The following POTEE variants were observed in gnomAD, a reference collection of about 807,000 sequenced individuals.
POTEE encodes POTE ankyrin domain family member E.
In POTEE, 21 loss-of-function variants were observed where a neutral mutation model predicts 74.2. The observed-to-expected ratio is 0.28, with a 90% CI of 0.20 to 0.41. The LOEUF is 0.41. Ranked by LOEUF, POTEE falls within the 10% of genes least tolerant of loss-of-function variation. The probability of loss-of-function intolerance (pLI) is 1.00; values close to 1 mark genes in which losing one functional copy is unlikely to be tolerated. For synonymous variants in POTEE, 211 were observed against 432.8 expected (o/e 0.49, Z 6.36); for missense variants, 525 against 1,158.6 (o/e 0.45, Z 7.94).
chr2:131,222,780 G>C (rs1296454724), intron 4 of POTEE, among the ~76,000 whole-genome samples: 1 of 152,020 alleles, frequency 6.6e-6, no homozygotes, highest in Non-Finnish European at 1.5e-5. Context: ...GTAAGAATTG[G>C]TTTATTTTAG....
Position 131,263,353 on chromosome 2 carries a change from A to C in POTEE, c.1900-2A>C, listed in dbSNP as rs1354306574. ...AACTAAAAGTTCTCTTTGTTTACTT[A>C]GCTTTCTCTTAGTTGTAAGAAAGAA... On this transcript the variant is annotated splice_acceptor_variant, in intron 17 of 17. Transcript: ENST00000683005. LOFTEE classifies it high-confidence loss of function. 3 of 1,609,930 alleles carry C rather than the reference A, an allele frequency of 1.9e-6. No individual in the cohort carries two copies. In the Admixed American group the frequency reaches 5.0e-5, roughly 27 times the overall value.
chr2:131,256,709 A>C (rs879022092), intron 16 of POTEE, among the ~76,000 whole-genome samples: 3,283 of 134,014 alleles, frequency 0.024, no homozygotes, highest in African/African-American at 0.093. Flanking sequence ...TCTAAGAAGA[A>C]GAAAAAGGGT....
At chr2:131,229,258 C>T (rs12471279) in intron 8 of POTEE, among the ~76,000 whole-genome samples, 91,271 of 139,574 alleles carry the variant, frequency 0.65, 31,396 homozygotes, top group Non-Finnish European at 0.81. Flanking sequence ...GAGAGGGGTT[C>T]AAATAATGTG....
chr2:131,222,966 G>T (rs202042640), intron 4 of POTEE, among the ~76,000 whole-genome samples: 6,280 of 151,702 alleles, frequency 0.041, 338 homozygotes, highest in African/African-American at 0.14. Flanking sequence ...CTCAATAAGA[G>T]AATTATTTAA....
At position 131,264,904 on chromosome 2, in the gene POTEE, T is replaced by A; in HGVS notation, c.*221T>A. 2.4e-6 allele frequency: 2 copies of A among 836,058 alleles called. No individual in the cohort carries two copies. The highest frequency in any genetic ancestry group is 3.7e-6 in the Non-Finnish European group (2 of 541,994). The allele number at this position is 836,058 out of a possible 1,614,324, so 51.8% of individuals were successfully genotyped here. A position where few individuals can be genotyped will look rare whatever the true frequency, so the allele number is the denominator to read the frequency against. On this transcript the variant is annotated 3_prime_UTR_variant, in exon 18 of 18. Coordinates refer to ENST00000683005, the MANE Select transcript of POTEE (RefSeq NM_001083538.3). Reference sequence around the variant, plus strand: ...CTACAATGTTGCCAAGGACTTTGATTGTACATTGTTCTTCTTTTCAATAGT... The same window carrying A: ...CTACAATGTTGCCAAGGACTTTGATAGTACATTGTTCTTCTTTTCAATAGT...
At chr2:131,218,104 C>T in intron 3 of POTEE, 1 of 535,612 alleles carries the variant, frequency 1.9e-6, no homozygotes. Flanking sequence ...GTTTGGCATT[C>T]CCTTGGGTGG....
chr2:131,235,639 A>T (rs1411279255), intron 9 of POTEE, among the ~76,000 whole-genome samples: 1 of 151,840 alleles, frequency 6.6e-6, no homozygotes, highest in Non-Finnish European at 1.5e-5. Context: ...TAAAAACATG[A>T]AAATTAGCTG....
rs2105065310 is a variant in POTEE, at chr2:131,218,440, C to A, written c.38C>A (p.Ser13Tyr). Residue 13 changes from serine (S) to tyrosine (Y), a missense_variant, in exon 4 of 18, where the codon TCT becomes TAT. Physicochemically the swap from Ser to Tyr is moderately radical, Grantham distance 144. Transcript: ENST00000683005. ...GTTGATTCCATGCCGGCTGCCTCTT[C>A]TGTGAAGAAGCCATTTGGTCTCAGG... ...VEVDSMPAAS[S>Y]VKKPFGLRSK... The A allele has an allele frequency of 2.5e-6, 4 of 1,613,296 alleles. No individual in the cohort carries two copies. The East Asian group carries it at 8.9e-5, about 36-fold the overall frequency.
intron 6 of POTEE, among the ~76,000 whole-genome samples, chr2:131,226,141 T>C (rs1197934453): frequency 6.6e-6 from 1 of 151,900 alleles, no homozygotes; most frequent in Admixed American, 6.6e-5. Context: ...AGTGTGTCTC[T>C]TAAGTATGTA....
chr2:131,239,674 TC>T (rs1701223553), intron 12 of POTEE, among the ~76,000 whole-genome samples: 1 of 107,434 alleles, frequency 9.3e-6, no homozygotes, highest in Non-Finnish European at 1.9e-5. Flanking sequence ...CATTTTCTTT[TC>T]TTTTTAGTGA....
rs201044102 is a variant in POTEE at position 131,263,995 on chromosome 2, G to C, written c.2540G>C (p.Arg847Pro). 3 of 1,614,204 alleles carry C rather than the reference G, an allele frequency of 1.9e-6. No individual in the cohort carries two copies. The South Asian group carries it at 3.3e-5, about 18-fold the overall frequency. Residue 847 changes from arginine to proline, a missense_variant, in exon 18 of 18, where the codon CGT becomes CCT. Physicochemically the swap from Arg to Pro is moderately radical, Grantham distance 103. Coordinates refer to ENST00000683005, the MANE Select transcript of POTEE (RefSeq NM_001083538.3). Reference sequence around the variant, plus strand: ...GTGCCGTCCCTGTACACCTCTGGCCGTACTACTGGCATCGTGATGGACTCT... The same window carrying C: ...GTGCCGTCCCTGTACACCTCTGGCCCTACTACTGGCATCGTGATGGACTCT... ...QAVPSLYTSG[R>P]TTGIVMDSGD...
intron 2 of POTEE, among the ~76,000 whole-genome samples, chr2:131,213,426 G>GC (rs1700395092): frequency 6.6e-6 from 1 of 151,568 alleles, no homozygotes; most frequent in Non-Finnish European, 1.5e-5. Context: ...CATTTTTCAA[G>GC]CCCGTAGAAA....
Position 131,226,930 on chromosome 2 carries a change from G to T in POTEE, c.917+1G>T, listed in dbSNP as rs1402571679. On this transcript the variant is annotated splice_donor_variant, in intron 7 of 17. Transcript: ENST00000683005. LOFTEE classifies it high-confidence loss of function. ...TAAATGCACTGGATAGATATGGAAG[G>T]TATAGTTCTTTCTTTTAATCTGTGT... The T allele has an allele frequency of 6.2e-7, 1 of 1,611,362 alleles. No individual in the cohort carries two copies. The highest frequency in any genetic ancestry group is 1.7e-5 in the Admixed American group (1 of 59,970).
intron 4 of POTEE, among the ~76,000 whole-genome samples, chr2:131,221,645 C>T (rs1421424951): frequency 3.3e-5 from 5 of 152,158 alleles, no homozygotes; most frequent in African/African-American, 4.8e-5. Context: ...TTACCCTCTT[C>T]AGAAGTAGAG....
At chr2:131,225,457 T>A (rs7565600) in intron 6 of POTEE, among the ~76,000 whole-genome samples, 119,183 of 143,160 alleles carry the variant, frequency 0.83, 49,556 homozygotes, top group Admixed American at 0.89. Flanking sequence ...CACTCAATAC[T>A]TAAATGTAAT....
rs985683148 is a variant in POTEE at position 131,211,083 on chromosome 2, A to G, written c.-289A>G. Reference sequence around the variant, plus strand: ...CAAGCCAGGCTGGAGGAGGAGGAGAAGGAATCACCTGTGGTACGCTGGAGC... The same window carrying G: ...CAAGCCAGGCTGGAGGAGGAGGAGAGGGAATCACCTGTGGTACGCTGGAGC... On this transcript the variant is annotated 5_prime_UTR_variant, in exon 2 of 18. Transcript: ENST00000683005. 1.3e-5 allele frequency among the ~76,000 whole-genome samples: 2 copies of G among 151,272 alleles called. No homozygotes were observed. The highest frequency in any genetic ancestry group is 2.5e-5 in the African/African-American group (1 of 40,628).
intron 2 of POTEE, among the ~76,000 whole-genome samples, chr2:131,211,442 A>G (rs1005447507): frequency 9.3e-5 from 13 of 140,472 alleles, no homozygotes; most frequent in African/African-American, 2.9e-4. Flanking sequence ...TTCTCTTGCA[A>G]TCTCTGGAGG....
chr2:131,229,760 GAAA>G (rs1700892218), intron 8 of POTEE: 1 of 152,170 alleles, frequency 6.6e-6, no homozygotes, highest in African/African-American at 2.4e-5. Context: ...TAGCTCTGAG[GAAA>G]TAGTGTGAAT....
At chr2:131,213,133 G>T (rs1700391088) in intron 2 of POTEE, among the ~76,000 whole-genome samples, 1 of 152,086 alleles carries the variant, frequency 6.6e-6, no homozygotes. Flanking sequence ...GCTAATTTTT[G>T]TATTTTTAGT....
Sources: gnomAD v4.1 joint callset for allele counts (sites outside exome capture counted in the v4.1 genomes callset) on GRCh38, gnomAD v4.1.1 for gene constraint, MANE v1.5 for transcripts, NCBI Gene and HGNC (gene_info 2026-07-23, HGNC 2026-07-21) for gene names.